Variants in CEP128 observed in about 807,000 individuals in gnomAD.
CEP128 encodes centrosomal protein 128.
CEP128 carries 132 observed loss-of-function variants against 156.7 expected under a neutral mutation model. The observed-to-expected ratio is 0.84, with a 90% CI of 0.73 to 0.97. CEP128 has a LOEUF of 0.97. Ranked by LOEUF, CEP128 falls within the 50% of genes least tolerant of loss-of-function variation. The pLI, the probability that CEP128 is intolerant of heterozygous loss-of-function variation, is 0.00. For synonymous variants in CEP128, 469 were observed against 448.9 expected (o/e 1.04, Z -0.57); for missense variants, 1,252 against 1,281.9 (o/e 0.98, Z 0.36).
chr14:80,689,560 C>T (rs958106970), intron 19 of CEP128, among the ~76,000 whole-genome samples: 1 of 152,122 alleles, frequency 6.6e-6, no homozygotes, highest in African/African-American at 2.4e-5. Context: ...GAAGATACAA[C>T]TGTATTTAAA....
intron 8 of CEP128, among the ~76,000 whole-genome samples, chr14:80,887,816 T>G (rs1888883279): frequency 6.6e-6 from 1 of 151,946 alleles, no homozygotes; most frequent in Non-Finnish European, 1.5e-5. Context: ...CAAAAAAACC[T>G]TCGAAAAATC....
intron 15 of CEP128, among the ~76,000 whole-genome samples, chr14:80,778,947 A>G (rs1473642717): frequency 2.6e-5 from 4 of 152,196 alleles, no homozygotes; most frequent in African/African-American, 9.6e-5. Flanking sequence ...AATAATGAGA[A>G]ATAAAAGCAA....
chr14:80,944,258 G>A (rs1343621440), upstream of CEP128, among the ~76,000 whole-genome samples: 1 of 151,530 alleles, frequency 6.6e-6, no homozygotes, highest in Non-Finnish European at 1.5e-5. Context: ...GATATGGTCT[G>A]GCTCTGTGTC....
At chr14:80,753,231 A>C (rs1899479893) in intron 18 of CEP128, among the ~76,000 whole-genome samples, 1 of 152,236 alleles carries the variant, frequency 6.6e-6, no homozygotes, top group South Asian at 2.1e-4. Flanking sequence ...GTAATAAGGA[A>C]CAGGATAAGC....
chr14:80,857,738 AAAAAACAAC>A (rs1037827077), intron 9 of CEP128, among the ~76,000 whole-genome samples: 1 of 138,322 alleles, frequency 7.2e-6, no homozygotes, highest in Non-Finnish European at 1.5e-5. Flanking sequence ...CCATCTCAAA[AAAAAACAAC>A]AACAACAACA....
At chr14:80,872,274 C>G (rs1208326312) in intron 8 of CEP128, among the ~76,000 whole-genome samples, 1 of 152,102 alleles carries the variant, frequency 6.6e-6, no homozygotes. Flanking sequence ...GATTGCGTAT[C>G]ACCACAATTA....
rs1232874689 is a variant in CEP128, at chr14:80,905,003, T to C, written c.362-72A>G. The C allele has an allele frequency of 1.9e-5, 17 of 884,326 alleles. 1 individual carries two copies. The allele number at this position is 884,326 out of a possible 1,614,324, so 54.8% of individuals were successfully genotyped here. A position where few individuals can be genotyped will look rare whatever the true frequency, so the allele number is the denominator to read the frequency against. On this transcript the variant is annotated intron_variant, in intron 5 of 24. Transcript: ENST00000555265. ...AGAGACAATCTAAAATTTTACTCAG[T>C]ACAAACATGGCAGACATGGATATAC...
intron 23 of CEP128, among the ~76,000 whole-genome samples, chr14:80,520,586 G>A (rs2140245631): frequency 6.6e-6 from 1 of 152,092 alleles, no homozygotes; most frequent in South Asian, 2.1e-4. Flanking sequence ...TTCCTAGTGT[G>A]TCAATAATGA....
intron 19 of CEP128, among the ~76,000 whole-genome samples, chr14:80,662,715 T>G (rs1314104258): frequency 6.6e-6 from 1 of 152,166 alleles, no homozygotes; most frequent in Non-Finnish European, 1.5e-5. Context: ...TTTTTAAAAC[T>G]GAAGGAGGAA....
intron 23 of CEP128, among the ~76,000 whole-genome samples, chr14:80,525,791 C>T (rs1293022041): frequency 1.3e-5 from 2 of 152,160 alleles, no homozygotes; most frequent in South Asian, 2.1e-4. Context: ...AAGTATAATA[C>T]TCATTTTAAG....
chr14:80,879,075 T>C (rs1888412390), intron 8 of CEP128, among the ~76,000 whole-genome samples: 1 of 152,182 alleles, frequency 6.6e-6, no homozygotes, highest in African/African-American at 2.4e-5. Flanking sequence ...TCTGCAGGTA[T>C]CACTAACATT....
At chr14:80,675,258 A>G (rs540880478) in intron 19 of CEP128, among the ~76,000 whole-genome samples, 2 of 152,224 alleles carry the variant, frequency 1.3e-5, no homozygotes, top group South Asian at 4.1e-4. Context: ...GTTGATTCTA[A>G]GAATATTCTT....
intron 19 of CEP128, among the ~76,000 whole-genome samples, chr14:80,704,833 T>G (rs2371336): frequency 6.6e-6 from 1 of 151,634 alleles, no homozygotes; most frequent in Non-Finnish European, 1.5e-5. Context: ...TTTTTCCTTT[T>G]TTAAACTCTT....
rs773597804 is a variant in CEP128, at chr14:80,743,087, G to A, written c.2794C>T (p.Arg932Cys). ...AACTAACACACACCTCTCTTCTCACGATGTATTTCATCCAGAAGCTGCTCC... is the reference window on the plus strand; with the variant it reads ...AACTAACACACACCTCTCTTCTCACAATGTATTTCATCCAGAAGCTGCTCC... ...RQEQLLDEIH[R>C]EKRDLLEETQ... The change falls in exon 19 of 25, where the codon CGT (arginine) becomes TGT (cysteine). Residue 932 changes from arginine (R) to cysteine (C), a missense_variant. Transcript: ENST00000555265. The A allele has an allele frequency of 9.3e-6, 15 of 1,612,756 alleles. No individual in the cohort carries two copies. Among genetic ancestry groups the A allele is most frequent in the South Asian group, 6.6e-5 (6 of 91,054 alleles).
chr14:80,687,041 AT>A (rs1314160079), intron 19 of CEP128, among the ~76,000 whole-genome samples: 1 of 152,174 alleles, frequency 6.6e-6, no homozygotes, highest in Non-Finnish European at 1.5e-5. Flanking sequence ...TCAAGATAGA[AT>A]TAACAAAGAT....
chr14:80,576,624 C>T lies in CEP128; in HGVS notation c.2856+3750G>A, dbSNP rs996035473. On this transcript the variant is annotated intron_variant, in intron 20 of 24. Coordinates refer to ENST00000555265, the MANE Select transcript of CEP128 (RefSeq NM_152446.5). ...TACCACTCATGTGAAATTACTCCGG[C>T]GTGTGTGTGTGTGTGTGTGTGTGTG... Among the ~76,000 whole-genome samples the T allele has an allele frequency of 3.4e-4, 38 of 112,740 alleles. 1 individual carries two copies. The highest frequency in any genetic ancestry group is 1.3e-4 in the Non-Finnish European group (7 of 53,058). 74.0% of individuals were successfully genotyped at this position (112,740 alleles called of 152,430 possible).
At chr14:80,493,953 T>C (rs1887409924), downstream of CEP128, among the ~76,000 whole-genome samples, 1 of 152,252 alleles carries the variant, frequency 6.6e-6, no homozygotes, top group Non-Finnish European at 1.5e-5. Flanking sequence ...TTCTGAAATT[T>C]GCTTGGGGGC....
chr14:80,593,363 C>T (rs1220616826), intron 19 of CEP128, among the ~76,000 whole-genome samples: 2 of 151,754 alleles, frequency 1.3e-5, no homozygotes, highest in Non-Finnish European at 2.9e-5. Context: ...TGGTGAAACC[C>T]CATCTCTACT....
intron 19 of CEP128, among the ~76,000 whole-genome samples, chr14:80,599,826 A>C (rs1188618834): frequency 6.6e-6 from 1 of 152,192 alleles, no homozygotes; most frequent in Non-Finnish European, 1.5e-5. Flanking sequence ...GGAAAATTTT[A>C]ATAAAGAGAT....
Sources: allele counts gnomAD v4.1 joint callset (sites outside exome capture counted in the v4.1 genomes callset), GRCh38; gene constraint gnomAD v4.1.1; transcripts MANE v1.5; gene names NCBI Gene and HGNC (gene_info 2026-07-23, HGNC 2026-07-21).